DNAAF1: variants seen among roughly 807,000 people sequenced by gnomAD.
The protein encoded by DNAAF1 is dynein assembly factor 1, axonemal.
DNAAF1 carries 65 observed loss-of-function variants against 71.1 expected under a neutral mutation model. The observed-to-expected ratio is 0.91, with a 90% CI of 0.75 to 1.12. The LOEUF (loss-of-function observed/expected upper bound fraction) is 1.12, where lower values mean the gene tolerates loss of function less well. Ranked by LOEUF, DNAAF1 falls within the 50% of genes most tolerant of loss-of-function variation. The pLI, the probability that DNAAF1 is intolerant of heterozygous loss-of-function variation, is 0.00. For missense variants in DNAAF1, 1,178 were observed against 899.8 expected, an observed-to-expected ratio of 1.31 and a Z score of -3.96; for synonymous variants, 414 against 354.6, an observed-to-expected ratio of 1.17 and a Z score of -1.88.
rs199720934 is a variant in DNAAF1 at position 84,172,242 on chromosome 16, C to G, written c.1529-18C>G. The stretch of plus-strand genomic sequence containing the variant: ...GCCGTGTGTTAAACTAACTCCAAGA[C>G]TTGTTGTTGCTCTTTAGAACCGACT... On this transcript the variant is annotated intron_variant, in intron 8 of 11. Transcript: ENST00000378553. The G allele has an allele frequency of 3.9e-5, 63 of 1,612,236 alleles. No homozygotes were observed. In the African/African-American group the frequency reaches 6.5e-4, roughly 17 times the overall value.
At chr16:84,158,481 C>G (rs915332896) in intron 5 of DNAAF1, among the ~76,000 whole-genome samples, 98 of 152,166 alleles carry the variant, frequency 6.4e-4, no homozygotes, top group African/African-American at 2.3e-3. Context: ...AGTCTTATCT[C>G]CAAATACAGT....
chr16:84,153,986 G>C (rs1463598311), intron 3 of DNAAF1, among the ~76,000 whole-genome samples: 1 of 152,088 alleles, frequency 6.6e-6, no homozygotes, highest in African/African-American at 2.4e-5. Context: ...AGTTCGCCTT[G>C]CTTGGCTAAG....
At chr16:84,153,895 A>C (rs1457620810) in intron 3 of DNAAF1, among the ~76,000 whole-genome samples, 2 of 152,088 alleles carry the variant, frequency 1.3e-5, no homozygotes, top group African/African-American at 4.8e-5. Context: ...TGAAGGCAGC[A>C]GTAGGCTCCA....
chr16:84,149,541 A>T (rs1056063743), intron 2 of DNAAF1, among the ~76,000 whole-genome samples: 1 of 151,406 alleles, frequency 6.6e-6, no homozygotes, highest in Non-Finnish European at 1.5e-5. Flanking sequence ...AATACAAAAA[A>T]TTAGCTGGGC....
At chr16:84,147,925 A>C (rs939443691) in intron 1 of DNAAF1, among the ~76,000 whole-genome samples, 1 of 152,068 alleles carries the variant, frequency 6.6e-6, no homozygotes, top group Non-Finnish European at 1.5e-5. Context: ...AAAATTAGCT[A>C]GGCATGGTGA....
chr16:84,164,525 C>A (rs1476904182), intron 6 of DNAAF1, among the ~76,000 whole-genome samples: 1 of 152,172 alleles, frequency 6.6e-6, no homozygotes, highest in African/African-American at 2.4e-5. Flanking sequence ...CAGCATATAG[C>A]CTTTATGGAC....
chr16:84,170,001 G>A lies in DNAAF1; in HGVS notation c.1173G>A (p.Pro391=), dbSNP rs370819090. ...TTGAGGCCAAGGACGAGCTCTGCCC[G>A]GAAAAGCCAAGTGGAGAGGAGCCGC... ...ESFEAKDELC[P]EKPSGEEPPV... Residue 391 remains proline, a synonymous_variant, in exon 8 of 12, where the codon CCG becomes CCA. Transcript: ENST00000378553. 100 of 1,613,918 alleles carry A rather than the reference G, an allele frequency of 6.2e-5. No homozygotes were observed. Among genetic ancestry groups the A allele is most frequent in the African/African-American group, 2.7e-5 (2 of 75,056 alleles).
chr16:84,170,475 A>G, intron 8 of DNAAF1, 119 bp downstream of exon 8: 6 of 1,489,572 alleles, frequency 4.0e-6, no homozygotes, highest in Non-Finnish European at 5.5e-6. Flanking sequence ...TGCTGTTTCT[A>G]GAAGATAATG....
rs1241875080 is a variant in DNAAF1, at chr16:84,176,192, A to G, written c.1958A>G (p.Glu653Gly). ...CCCCTGATCCAGGAGCTCAGCGACG[A>G]GGACCCCTCTGGCCAGCTACTGATG... is the stretch of plus-strand genomic sequence containing the variant. ...PRPLIQELSD[E>G]DPSGQLLMPP... The change falls in exon 11 of 12, where the codon GAG (glutamate) becomes GGG (glycine). Residue 653 changes from glutamate to glycine, a missense_variant. By Grantham distance (98) the Glu-to-Gly change is moderately conservative. Coordinates refer to ENST00000378553, the MANE Select transcript of DNAAF1 (RefSeq NM_178452.6). 1.9e-6 allele frequency: 3 copies of G among 1,613,986 alleles called. No homozygotes were observed. In the South Asian group the frequency reaches 3.3e-5, roughly 18 times the overall value.
intron 1 of DNAAF1, among the ~76,000 whole-genome samples, chr16:84,148,596 C>CTTTATTTTTTTTTTTTTT (rs2087032151): frequency 2.3e-5 from 1 of 43,576 alleles, no homozygotes; most frequent in Non-Finnish European, 4.1e-5. Flanking sequence ...CTCTCTCTCT[C>CTTTATTTTTTTTTTTTTT]TTTTTTTTTT....
intron 6 of DNAAF1, among the ~76,000 whole-genome samples, chr16:84,163,543 G>A (rs533929315): frequency 2.0e-5 from 3 of 152,022 alleles, no homozygotes; most frequent in Non-Finnish European, 4.4e-5. Context: ...ACCACACCCA[G>A]CTAATTTTTC....
In DNAAF1 at chr16:84,159,862, C is replaced by G. The variant is rs2087619076; in HGVS notation, c.863+66C>G. ...GTAGTTGACCATGCTTAATATTAAA[C>G]TTTTTAAATTTCTGATTCTTGAGAA... On this transcript the variant is annotated intron_variant, in intron 6 of 11. Coordinates refer to ENST00000378553, the MANE Select transcript of DNAAF1 (RefSeq NM_178452.6). 5 of 1,580,062 alleles carry G rather than the reference C, an allele frequency of 3.2e-6. No homozygotes were observed. In the South Asian group the frequency reaches 3.4e-5, roughly 11 times the overall value.
At position 84,177,824 on chromosome 16, in the gene DNAAF1, G is replaced by A; in HGVS notation, c.2161G>A (p.Ala721Thr). ...LPTWDLTAFP[A>T]PKAS ...CACGTGGGACCTCACTGCATTCCCA[G>A]CACCGAAAGCATCATAGTTTTCCCC... Residue 721 changes from alanine to threonine, a missense_variant, in exon 12 of 12, where the codon GCA becomes ACA. Coordinates refer to ENST00000378553, the MANE Select transcript of DNAAF1 (RefSeq NM_178452.6). 6.2e-7 allele frequency: 1 copy of A among 1,613,772 alleles called. No individual in the cohort carries two copies. Among genetic ancestry groups the A allele is most frequent in the Non-Finnish European group, 8.5e-7 (1 of 1,179,754 alleles).
chr16:84,155,046 C>G (rs930656937), intron 4 of DNAAF1, among the ~76,000 whole-genome samples: 2 of 151,956 alleles, frequency 1.3e-5, no homozygotes, highest in Admixed American at 1.3e-4. Context: ...ATAGCTGGGA[C>G]TACAGGCACC....
At position 84,154,585 on chromosome 16, in the gene DNAAF1, C is replaced by T. The variant is rs368031148; in HGVS notation, c.361C>T (p.Arg121Cys). 551 of 1,613,930 alleles carry T rather than the reference C, an allele frequency of 3.4e-4. 4 individuals carry two copies. In the South Asian group the frequency reaches 5.2e-3, roughly 15 times the overall value. The change falls in exon 4 of 12, where the codon CGC becomes TGC. Residue 121 changes from arginine to cysteine, a missense_variant. Coordinates refer to ENST00000378553, the MANE Select transcript of DNAAF1 (RefSeq NM_178452.6). ...TLYLHFKGFDRIENLEEYTGL... is the reference protein window; with the variant it reads ...TLYLHFKGFDCIENLEEYTGL... ...TGCTTCCTTTTTGTTAGGTTTTGAT[C>T]GCATTGAGAACCTGGAAGAGTACAC...
intron 3 of DNAAF1, among the ~76,000 whole-genome samples, chr16:84,152,706 C>T (rs1164257305): frequency 6.6e-6 from 1 of 150,498 alleles, no homozygotes. Flanking sequence ...GTAATCCCAG[C>T]ACTTTGGGAG....
At chr16:84,167,627 T>C (rs537934245) in intron 7 of DNAAF1, among the ~76,000 whole-genome samples, 1 of 152,316 alleles carries the variant, frequency 6.6e-6, no homozygotes, top group East Asian at 1.9e-4. Flanking sequence ...AGCACCCCTA[T>C]GTACAGGGGT....
At chr16:84,168,321 A>G (rs939553294) in intron 7 of DNAAF1, among the ~76,000 whole-genome samples, 7 of 152,336 alleles carry the variant, frequency 4.6e-5, no homozygotes, top group African/African-American at 1.7e-4. Context: ...CTGCCTGGAT[A>G]ACCCAGGACA....
At chr16:84,145,821 G>T (rs1284623180) in intron 1 of DNAAF1, among the ~76,000 whole-genome samples, 3 of 152,176 alleles carry the variant, frequency 2.0e-5, no homozygotes, top group African/African-American at 7.2e-5. Flanking sequence ...GGCCGGGTGC[G>T]GTGGCTCAAC....
Sources: gnomAD v4.1 joint callset for allele counts (sites outside exome capture counted in the v4.1 genomes callset) on GRCh38, gnomAD v4.1.1 for gene constraint, MANE v1.5 for transcripts, NCBI Gene and HGNC (gene_info 2026-07-23, HGNC 2026-07-21) for gene names.